IFT43: variants seen among roughly 807,000 people sequenced by gnomAD.
IFT43 encodes the protein intraflagellar transport 43.
IFT43 carries 33 observed loss-of-function variants against 32.3 expected under a neutral mutation model. The observed-to-expected ratio is 1.02, with a 90% CI of 0.77 to 1.37. IFT43 has a LOEUF of 1.37. IFT43 is among the 40% of genes most tolerant of loss of function. The pLI, the probability that IFT43 is intolerant of heterozygous loss-of-function variation, is 0.00. For synonymous variants in IFT43, 93 were observed against 98.2 expected (o/e 0.95, Z 0.31); for missense variants, 274 against 265.9 (o/e 1.03, Z -0.21).
intron 3 of IFT43, among the ~76,000 whole-genome samples, chr14:76,032,682 CA>C (rs1293369483): frequency 2.0e-5 from 3 of 152,172 alleles, no homozygotes; most frequent in African/African-American, 7.2e-5. Context: ...ATTTATTGAA[CA>C]TATGAATGAT....
chr14:76,068,709 G>A (rs984873602), intron 5 of IFT43, among the ~76,000 whole-genome samples: 2 of 152,204 alleles, frequency 1.3e-5, no homozygotes, highest in African/African-American at 4.8e-5. Flanking sequence ...ATGGAAAGTT[G>A]TATGGTGTTA....
chr14:76,079,185 A>G (rs2037464273), intron 5 of IFT43, among the ~76,000 whole-genome samples: 1 of 152,228 alleles, frequency 6.6e-6, no homozygotes, highest in Non-Finnish European at 1.5e-5. Context: ...TCGCAGCCAC[A>G]TTGAAGTCCA....
At chr14:75,990,769 A>T (rs1331347936) in intron 2 of IFT43, among the ~76,000 whole-genome samples, 1 of 152,188 alleles carries the variant, frequency 6.6e-6, no homozygotes, top group African/African-American at 2.4e-5. Flanking sequence ...TATGTATTTA[A>T]AGAGAAAACG....
At chr14:76,046,406 A>G (rs2036808833) in intron 3 of IFT43, among the ~76,000 whole-genome samples, 1 of 152,136 alleles carries the variant, frequency 6.6e-6, no homozygotes, top group Non-Finnish European at 1.5e-5. Flanking sequence ...GGATAGGTTC[A>G]GCAAGGGAGG....
At chr14:76,019,999 G>A (rs945575981) in intron 2 of IFT43, among the ~76,000 whole-genome samples, 4 of 150,716 alleles carry the variant, frequency 2.7e-5, no homozygotes, top group East Asian at 1.9e-4. Flanking sequence ...TTTTGGAGAC[G>A]GAATCTCTCC....
At chr14:76,021,073 C>G (rs1023745441) in intron 2 of IFT43, among the ~76,000 whole-genome samples, 12 of 151,956 alleles carry the variant, frequency 7.9e-5, no homozygotes, top group African/African-American at 2.9e-4. Context: ...AAAATGTGCA[C>G]CAGTGGTGGT....
intron 2 of IFT43, among the ~76,000 whole-genome samples, chr14:76,002,464 G>A (rs1044650891): frequency 6.6e-6 from 1 of 152,066 alleles, no homozygotes; most frequent in Non-Finnish European, 1.5e-5. Context: ...AGGAGGGAAG[G>A]AGGGGACTGG....
intron 1 of IFT43, 83 bp downstream of exon 1, chr14:75,985,923 C>A (rs2035513195): frequency 6.4e-7 from 1 of 1,568,112 alleles, no homozygotes. Context: ...TTCTCTGAGG[C>A]GACTCAGGGC....
chr14:76,073,863 T>C (rs2037366333), intron 5 of IFT43, among the ~76,000 whole-genome samples: 1 of 151,732 alleles, frequency 6.6e-6, no homozygotes, highest in African/African-American at 2.4e-5. Context: ...GTTCTCCCCC[T>C]CCCCCCGTTT....
intron 3 of IFT43, among the ~76,000 whole-genome samples, chr14:76,029,867 T>TTTTATTTTATTTTA (rs2036474459): frequency 7.1e-6 from 1 of 141,490 alleles, no homozygotes; most frequent in Non-Finnish European, 1.5e-5. Flanking sequence ...TTTTATTTTA[T>TTTTATTTTATTTTA]TTTATTTTAT....
chr14:76,067,419 A>T lies in IFT43; in HGVS notation c.295+8046A>T, dbSNP rs565786012. Among the ~76,000 whole-genome samples the T allele has an allele frequency of 1.2e-3, 180 of 152,162 alleles. 5 individuals carry two copies. The South Asian group carries it at 0.035, about 30-fold the overall frequency. ...TGTCTCTACTAAAAATTAAAAAAAA[A>T]ATTAGTCGTGTGTGGTGGTGCACGC... On this transcript the variant is annotated intron_variant, in intron 5 of 8. Transcript: ENST00000314067.
chr14:76,017,463 G>A (rs1202065582), intron 2 of IFT43, among the ~76,000 whole-genome samples: 2 of 152,066 alleles, frequency 1.3e-5, no homozygotes, highest in Non-Finnish European at 2.9e-5. Flanking sequence ...GTATTTTGTT[G>A]GGGATTTTTG....
At chr14:75,993,387 T>A (rs74066688) in intron 2 of IFT43, among the ~76,000 whole-genome samples, 2,993 of 152,324 alleles carry the variant, frequency 0.02, 91 homozygotes, top group African/African-American at 0.064. Context: ...AATTGGCTGG[T>A]GCTGCAGCTG....
chr14:76,082,510 TCTGGTCATCCCCTG>T, intron 6 of IFT43, 93 bp from the exon 7 acceptor site: 1 of 1,389,424 alleles, frequency 7.2e-7, no homozygotes, highest in Non-Finnish European at 1.0e-6. Flanking sequence ...TTATTCCCAT[TCTGGTCATCCCCTG>T]CTGTATACAA....
intron 1 of IFT43, among the ~76,000 whole-genome samples, chr14:75,987,374 TAA>T (rs1308010937): frequency 6.6e-6 from 1 of 152,218 alleles, no homozygotes; most frequent in East Asian, 1.9e-4. Flanking sequence ...CGACATTGCA[TAA>T]GAGTTTTTAC....
chr14:76,020,514 A>G lies in IFT43; in HGVS notation c.148-1813A>G, dbSNP rs140310246. 2.8e-3 allele frequency among the ~76,000 whole-genome samples: 426 copies of G among 151,652 alleles called. 4 individuals carry two copies. The highest frequency in any genetic ancestry group is 9.8e-3 in the African/African-American group (403 of 41,270). ...CTTCCAGTCTTATGGATTGACTTCC[A>G]TAAGAAAAGACTTCCCTATAGATGT... On this transcript the variant is annotated intron_variant, in intron 2 of 8. Transcript: ENST00000314067.
intron 2 of IFT43, among the ~76,000 whole-genome samples, chr14:76,016,927 T>G (rs1466220349): frequency 6.6e-6 from 1 of 152,162 alleles, no homozygotes; most frequent in Non-Finnish European, 1.5e-5. Flanking sequence ...ATTCATTTAT[T>G]CATTCTAAGA....
chr14:76,010,699 C>A (rs1207274746), intron 2 of IFT43, among the ~76,000 whole-genome samples: 1 of 151,828 alleles, frequency 6.6e-6, no homozygotes, highest in East Asian at 1.9e-4. Context: ...AAGATATTTT[C>A]CTAGAAAGCC....
chr14:76,043,090 CTG>C (rs2140012782), intron 3 of IFT43, among the ~76,000 whole-genome samples: 1 of 152,330 alleles, frequency 6.6e-6, no homozygotes, highest in Admixed American at 6.5e-5. Context: ...CCCTTGGCCT[CTG>C]TCTCTTCAGC....
Sources: gnomAD v4.1 joint callset for allele counts (sites outside exome capture counted in the v4.1 genomes callset) on GRCh38, gnomAD v4.1.1 for gene constraint, MANE v1.5 for transcripts, NCBI Gene and HGNC (gene_info 2026-07-23, HGNC 2026-07-21) for gene names.